Variants in SMC5 observed in about 807,000 individuals in gnomAD.
SMC5 encodes the protein structural maintenance of chromosomes 5.
SMC5 carries 88 observed loss-of-function variants against 148.3 expected under a neutral mutation model. The observed-to-expected ratio is 0.59, with a 90% CI of 0.50 to 0.71. The LOEUF (loss-of-function observed/expected upper bound fraction) is 0.71, where lower values mean the gene tolerates loss of function less well. Ranked by LOEUF, SMC5 falls within the 30% of genes least tolerant of loss-of-function variation. The pLI, the probability that SMC5 is intolerant of heterozygous loss-of-function variation, is 0.00. For synonymous variants in SMC5, 421 were observed against 432.8 expected (o/e 0.97, Z 0.34); for missense variants, 1,142 against 1,298.9 (o/e 0.88, Z 1.86).
chr9:70,277,625 A>G (rs1216316734), intron 4 of SMC5, among the ~76,000 whole-genome samples, 153 bp downstream of exon 4: 3 of 152,146 alleles, frequency 2.0e-5, no homozygotes, highest in Non-Finnish European at 2.9e-5. Flanking sequence ...TTAGAGTATA[A>G]TGTTATTAAT....
intron 15 of SMC5, among the ~76,000 whole-genome samples, chr9:70,322,724 T>G (rs1460816903): frequency 6.6e-6 from 1 of 151,894 alleles, no homozygotes; most frequent in Non-Finnish European, 1.5e-5. Context: ...TAATCCCAGC[T>G]TCTCGGGAGG....
chr9:70,342,621 A>G (rs1267215459), intron 17 of SMC5, among the ~76,000 whole-genome samples: 3 of 152,080 alleles, frequency 2.0e-5, no homozygotes, highest in Admixed American at 6.5e-5. Context: ...TGTCTGAGCC[A>G]CATCTACAAA....
Position 70,314,727 on chromosome 9 carries a change from T to C in SMC5, c.1579-15T>C. ...TATGGTAATTAAAATAATATTTTCTTTTCCCTATATTCAGGTTCGTGACAA... is the reference window on the plus strand; with the variant it reads ...TATGGTAATTAAAATAATATTTTCTCTTCCCTATATTCAGGTTCGTGACAA... On this transcript the variant is annotated splice_polypyrimidine_tract_variant and intron_variant, in intron 11 of 24. Transcript: ENST00000361138. 7.4e-7 allele frequency: 1 copy of C among 1,344,958 alleles called. No homozygotes were observed. Among genetic ancestry groups the C allele is most frequent in the Non-Finnish European group, 1.0e-6 (1 of 973,972 alleles). 83.3% of individuals were successfully genotyped at this position (1,344,958 alleles called of 1,614,324 possible).
chr9:70,276,485 C>T (rs1165239288), intron 3 of SMC5, among the ~76,000 whole-genome samples: 1 of 152,046 alleles, frequency 6.6e-6, no homozygotes, highest in African/African-American at 2.4e-5. Flanking sequence ...AGTAAGGGTA[C>T]TTTATTAGTC....
intron 1 of SMC5, among the ~76,000 whole-genome samples, chr9:70,261,690 G>A (rs2034141218): frequency 1.3e-5 from 2 of 152,150 alleles, no homozygotes; most frequent in Admixed American, 1.3e-4. Context: ...GGTTATGATT[G>A]CCCAATAGGA....
chr9:70,259,730 A>G (rs559918769), intron 1 of SMC5, among the ~76,000 whole-genome samples: 5 of 152,192 alleles, frequency 3.3e-5, no homozygotes, highest in East Asian at 3.9e-4. Context: ...TCGGGAATGG[A>G]GGTTACAGGT....
chr9:70,289,110 T>C (rs1263006730), intron 8 of SMC5, among the ~76,000 whole-genome samples: 1 of 152,170 alleles, frequency 6.6e-6, no homozygotes, highest in Non-Finnish European at 1.5e-5. Context: ...CAGTCTTGGC[T>C]CACTGCAGCT....
At chr9:70,291,241 A>G (rs1423441850) in intron 8 of SMC5, among the ~76,000 whole-genome samples, 1 of 152,178 alleles carries the variant, frequency 6.6e-6, no homozygotes, top group African/African-American at 2.4e-5. Flanking sequence ...CCTGTAACCC[A>G]TATGTTTCCC....
intron 18 of SMC5, among the ~76,000 whole-genome samples, chr9:70,345,796 T>C (rs1219247169): frequency 1.3e-5 from 2 of 152,132 alleles, no homozygotes; most frequent in African/African-American, 4.8e-5. Context: ...CTCTAACTTT[T>C]CTTCTAGATG....
intron 22 of SMC5, 61 bp from the exon 23 acceptor site, chr9:70,350,053 A>T: frequency 8.0e-7 from 1 of 1,249,982 alleles, no homozygotes. Flanking sequence ...TCCATTTTCA[A>T]ATAATAGAAT....
At chr9:70,348,132 T>C in intron 22 of SMC5, 94 bp downstream of exon 22, 2 of 1,198,242 alleles carry the variant, frequency 1.7e-6, no homozygotes, top group African/African-American at 1.6e-5. Context: ...TTTTGAGTTA[T>C]ATCTGTGAAA....
Position 70,318,788 on chromosome 9 carries a change from T to TTA in SMC5, c.1981-3_1981-2dup, listed in dbSNP as rs752692332. 1.3e-6 allele frequency: 2 copies of TTA among 1,556,412 alleles called. No homozygotes were observed. The highest frequency in any genetic ancestry group is 4.3e-5 in the Admixed American group (2 of 46,630). On this transcript the variant is annotated splice_region_variant and splice_polypyrimidine_tract_variant and intron_variant, in intron 14 of 24. Coordinates refer to ENST00000361138, the MANE Select transcript of SMC5 (RefSeq NM_015110.4). ...AATATGTTAACAATTTTTAAATATT[T>TTA]TATAGGAAATTCATAGAAAATTGCA...
intron 18 of SMC5, among the ~76,000 whole-genome samples, chr9:70,345,621 G>A (rs966210773): frequency 6.6e-6 from 1 of 151,892 alleles, no homozygotes; most frequent in Non-Finnish European, 1.5e-5. Flanking sequence ...AGAATAAAAG[G>A]AATCTCATTG....
intron 11 of SMC5, among the ~76,000 whole-genome samples, chr9:70,308,084 C>A (rs769576445): frequency 6.6e-6 from 1 of 152,040 alleles, no homozygotes. Context: ...AACATGCAAA[C>A]CCTTATGTCT....
At chr9:70,259,292 T>G (rs760130982) in intron 1 of SMC5, 29 bp downstream of exon 1, 1 of 1,537,982 alleles carries the variant, frequency 6.5e-7, no homozygotes, top group Non-Finnish European at 8.8e-7. Context: ...GCGCCGCGGG[T>G]GTGGAGGTGT....
intron 8 of SMC5, among the ~76,000 whole-genome samples, chr9:70,287,274 T>G (rs2034931013): frequency 6.6e-6 from 1 of 152,152 alleles, no homozygotes; most frequent in Non-Finnish European, 1.5e-5. Flanking sequence ...CTTAGTAGAT[T>G]TTTGTTTCTT....
rs2035876548 is a variant in SMC5 at position 70,318,885 on chromosome 9, G to A, written c.2072G>A (p.Arg691Lys). The part of the protein sequence containing the change: ...KHLEHKDNEL[R>K]QKKKELLERK... ...CTGGAGCACAAAGACAATGAACTTA[G>A]ACAAAAGAAGAAGGAGCTTCTTGAG... Residue 691 changes from arginine to lysine, a missense_variant, in exon 15 of 25, where the codon AGA becomes AAA. Arg to Lys is a conservative substitution (Grantham distance 26, BLOSUM62 2). This residue lies in a region of SMC5 where 743 missense variants were observed against 835.7 expected (regional missense o/e 0.89). Coordinates refer to ENST00000361138, the MANE Select transcript of SMC5 (RefSeq NM_015110.4). 6.2e-7 allele frequency: 1 copy of A among 1,612,170 alleles called. No homozygotes were observed. The highest frequency in any genetic ancestry group is 1.3e-5 in the African/African-American group (1 of 74,788).
At chr9:70,268,666 G>T (rs1019644254) in intron 3 of SMC5, among the ~76,000 whole-genome samples, 1 of 151,048 alleles carries the variant, frequency 6.6e-6, no homozygotes, top group African/African-American at 2.4e-5. Context: ...CGCAAACAAT[G>T]TAGAAGTGTA....
At chr9:70,260,797 C>T (rs2034101691) in intron 1 of SMC5, among the ~76,000 whole-genome samples, 1 of 152,174 alleles carries the variant, frequency 6.6e-6, no homozygotes, top group African/African-American at 2.4e-5. Flanking sequence ...CGCTGGAGCT[C>T]AGTGGCATGA....
Sources: allele counts gnomAD v4.1 joint callset (sites outside exome capture counted in the v4.1 genomes callset), GRCh38; gene constraint gnomAD v4.1.1; regional missense constraint gnomAD v4.1.1; transcripts MANE v1.5; gene names NCBI Gene and HGNC (gene_info 2026-07-23, HGNC 2026-07-21).